The following NPTX2 variants were observed in gnomAD, a reference collection of about 807,000 sequenced individuals.
The protein encoded by NPTX2 is neuronal pentraxin-2.
In NPTX2, 23 loss-of-function variants were observed where a neutral mutation model predicts 38.1. The ratio of observed to expected loss-of-function variants is 0.60; its 90% CI spans 0.43 to 0.85. The LOEUF (loss-of-function observed/expected upper bound fraction) is 0.85. Among genes scored for constraint, NPTX2 ranks in the 40% least tolerant of loss-of-function variants. NPTX2 has a pLI of 0.00. For missense variants in NPTX2, 553 were observed against 615.3 expected, an observed-to-expected ratio of 0.90 and a Z score of 1.07; for synonymous variants, 291 against 287.3, an observed-to-expected ratio of 1.01 and a Z score of -0.13.
At chr7:98,622,399 A>C (rs1791285074) in intron 2 of NPTX2, among the ~76,000 whole-genome samples, 1 of 152,190 alleles carries the variant, frequency 6.6e-6, no homozygotes, top group Non-Finnish European at 1.5e-5. Flanking sequence ...GAGTCGTATC[A>C]GATTGGCAAG....
At position 98,628,510 on chromosome 7, in the gene NPTX2, A is replaced by G. The variant is rs1332965957; in HGVS notation, c.1177A>G (p.Asn393Asp). The change falls in exon 5 of 5, where the codon AAC (asparagine) becomes GAC (aspartate). Residue 393 changes from asparagine to aspartate, a missense_variant. Physicochemically the swap from Asn to Asp is conservative, Grantham distance 23. Coordinates refer to ENST00000265634, the MANE Select transcript of NPTX2 (RefSeq NM_002523.3). Reference protein sequence around the residue: ...LRAQEIVNIANCSTNMPGNII... With the variant: ...LRAQEIVNIADCSTNMPGNII... ...CGCACAAGAAATTGTCAACATCGCCAACTGCTCCACAAACATGCCGGGCAA... is the reference window on the plus strand; with the variant it reads ...CGCACAAGAAATTGTCAACATCGCCGACTGCTCCACAAACATGCCGGGCAA... 1 of 1,611,334 alleles carries G rather than the reference A, an allele frequency of 6.2e-7. No homozygotes were observed. The highest frequency in any genetic ancestry group is 8.5e-7 in the Non-Finnish European group (1 of 1,177,968).
chr7:98,626,171 G>T (rs1252213751), intron 3 of NPTX2, among the ~76,000 whole-genome samples: 1 of 146,288 alleles, frequency 6.8e-6, no homozygotes, highest in East Asian at 2.0e-4. Flanking sequence ...AAAAAAAAAG[G>T]CCACTTTGGG....
chr7:98,625,122 A>C lies in NPTX2; in HGVS notation c.844A>C (p.Ile282Leu). ...VPGQANEIVLIEWGNNPIELL... is the reference protein window; with the variant it reads ...VPGQANEIVLLEWGNNPIELL... ...AGGGCAGGCCAACGAGATCGTGCTG[A>C]TCGAGTGGGGCAACAACCCCATCGA... The change falls in exon 3 of 5, where the codon ATC becomes CTC. Residue 282 changes from isoleucine to leucine, a missense_variant. Coordinates refer to ENST00000265634, the MANE Select transcript of NPTX2 (RefSeq NM_002523.3). The C allele has an allele frequency of 6.2e-7, 1 of 1,608,502 alleles. No individual in the cohort carries two copies. Among genetic ancestry groups the C allele is most frequent in the Non-Finnish European group, 8.5e-7 (1 of 1,176,876 alleles).
intron 1 of NPTX2, among the ~76,000 whole-genome samples, chr7:98,619,351 C>G (rs1791232894): frequency 6.6e-6 from 1 of 152,102 alleles, no homozygotes. Context: ...ACATAGAATT[C>G]TAGGCGTTGG....
intron 3 of NPTX2, among the ~76,000 whole-genome samples, chr7:98,626,865 G>A (rs573400771): frequency 7.2e-5 from 11 of 152,290 alleles, no homozygotes; most frequent in Middle Eastern, 3.4e-3. Context: ...CCCATGGAAC[G>A]CTGACTTCCC....
intron 1 of NPTX2, among the ~76,000 whole-genome samples, chr7:98,618,289 G>A (rs940090130): frequency 6.6e-5 from 10 of 151,896 alleles, no homozygotes; most frequent in African/African-American, 2.4e-4. Flanking sequence ...CCCGCAGGCC[G>A]TGCGGGTTGC....
chr7:98,625,124 C>G lies in NPTX2; in HGVS notation c.846C>G (p.Ile282Met), dbSNP rs867398757. ...VPGQANEIVL[I>M]EWGNNPIELL... is the part of the protein sequence containing the mutation. ...GGCAGGCCAACGAGATCGTGCTGAT[C>G]GAGTGGGGCAACAACCCCATCGAGC... The change falls in exon 3 of 5, where the codon ATC (isoleucine) becomes ATG (methionine). Residue 282 changes from isoleucine to methionine, a missense_variant. Ile to Met is a conservative substitution (Grantham distance 10). Transcript: ENST00000265634. 2 of 1,608,130 alleles carry G rather than the reference C, an allele frequency of 1.2e-6. No homozygotes were observed. Among genetic ancestry groups the G allele is most frequent in the African/African-American group, 1.3e-5 (1 of 74,972 alleles).
In NPTX2 at chr7:98,627,358, AGGTGCAGGTGGGCACAGGGTG is replaced by A. The variant is rs1264389813; in HGVS notation, c.1068+23_1068+43del. The stretch of plus-strand genomic sequence containing the variant: ...GGACAAGAGCAGGTGGGTGCAGGGC[AGGTGCAGGTGGGCACAGGGTG>A]GGTGCAGGATGGGCACAGGGTGGCC... On this transcript the variant is annotated intron_variant, in intron 4 of 4. Coordinates refer to ENST00000265634, the MANE Select transcript of NPTX2 (RefSeq NM_002523.3). 2.5e-6 allele frequency: 4 copies of A among 1,610,400 alleles called. No individual in the cohort carries two copies. Among genetic ancestry groups the A allele is most frequent in the Admixed American group, 1.7e-5 (1 of 59,894 alleles).
chr7:98,627,362 G>A lies in NPTX2; in HGVS notation c.1068+18G>A, dbSNP rs1159907721. 5.0e-6 allele frequency: 8 copies of A among 1,609,718 alleles called. No homozygotes were observed. Among genetic ancestry groups the A allele is most frequent in the African/African-American group, 2.7e-5 (2 of 74,896 alleles). ...AAGAGCAGGTGGGTGCAGGGCAGGT[G>A]CAGGTGGGCACAGGGTGGGTGCAGG... On this transcript the variant is annotated intron_variant, in intron 4 of 4. Transcript: ENST00000265634.
At chr7:98,627,466 A>G (rs1791371711) in intron 4 of NPTX2, 122 bp downstream of exon 4, 1 of 771,462 alleles carries the variant, frequency 1.3e-6, no homozygotes, top group Non-Finnish European at 2.1e-6. Context: ...CCAGGCCTGC[A>G]GCTGTTCCTG....
chr7:98,627,398 G>T (rs1316311051), intron 4 of NPTX2, 54 bp downstream of exon 4: 2 of 1,491,994 alleles, frequency 1.3e-6, no homozygotes, highest in Non-Finnish European at 1.9e-6. Context: ...ATGGGCACAG[G>T]GTGGCCGTGC....
intron 1 of NPTX2, 83 bp from the exon 2 acceptor site, chr7:98,619,560 G>A: frequency 8.5e-7 from 1 of 1,175,002 alleles, no homozygotes; most frequent in Non-Finnish European, 1.3e-6. Flanking sequence ...GCTTCTCCCT[G>A]TGTGGTCGGG....
In NPTX2 at chr7:98,624,919, C is replaced by T; in HGVS notation, c.644-3C>T. The T allele has an allele frequency of 6.2e-7, 1 of 1,606,412 alleles. No homozygotes were observed. Among genetic ancestry groups the T allele is most frequent in the Non-Finnish European group, 8.5e-7 (1 of 1,174,096 alleles). On this transcript the variant is annotated splice_polypyrimidine_tract_variant and splice_region_variant and intron_variant, in intron 2 of 4. Coordinates refer to ENST00000265634, the MANE Select transcript of NPTX2 (RefSeq NM_002523.3). The stretch of plus-strand genomic sequence containing the variant: ...CCTGGCCTCTCTTCCTCCCAACCCC[C>T]AGGCAATAGCGCCTTTAAGTCACCA...
At chr7:98,627,579 T>C (rs1791374078) in intron 4 of NPTX2, among the ~76,000 whole-genome samples, 1 of 151,984 alleles carries the variant, frequency 6.6e-6, no homozygotes. Flanking sequence ...TGTCCTGTGG[T>C]TAGAGGTTGG....
chr7:98,622,823 G>T (rs762317251), intron 2 of NPTX2, among the ~76,000 whole-genome samples: 32 of 152,304 alleles, frequency 2.1e-4, no homozygotes, highest in Admixed American at 3.9e-4. Flanking sequence ...GGAGCAATCG[G>T]GAGGCCACCA....
In NPTX2 at chr7:98,619,763, G is replaced by A. The variant is rs770430126; in HGVS notation, c.547G>A (p.Glu183Lys). The A allele has an allele frequency of 4.7e-5, 76 of 1,613,488 alleles. No homozygotes were observed. Among genetic ancestry groups the A allele is most frequent in the Middle Eastern group, 3.3e-4 (2 of 6,080 alleles). The change falls in exon 2 of 5, where the codon GAG becomes AAG. Residue 183 changes from glutamate (E) to lysine (K), a missense_variant. Physicochemically the swap from Glu to Lys is moderately conservative, Grantham distance 56. Coordinates refer to ENST00000265634, the MANE Select transcript of NPTX2 (RefSeq NM_002523.3). ...LLRKVAELED[E>K]KSLLHNETSA... The stretch of plus-strand genomic sequence containing the variant: ...GCGCAAGGTGGCAGAGCTGGAGGAC[G>A]AGAAGTCCCTGCTGCACAATGAGAC...
chr7:98,628,857 C>G lies in NPTX2; in HGVS notation c.*228C>G. On this transcript the variant is annotated 3_prime_UTR_variant, in exon 5 of 5. Coordinates refer to ENST00000265634, the MANE Select transcript of NPTX2 (RefSeq NM_002523.3). ...AGTGCCAGGGTCCCCTGGGAAGATG[C>G]CCCCAAGACACCTGCCCCAAGTGGG... 2.4e-6 allele frequency: 1 copy of G among 410,156 alleles called. No homozygotes were observed. The highest frequency in any genetic ancestry group is 4.0e-5 in the Admixed American group (1 of 25,086). The allele number at this position is 410,156 out of a possible 1,614,324, so 25.4% of individuals were successfully genotyped here.
At chr7:98,619,979 AGT>A in intron 2 of NPTX2, 120 bp downstream of exon 2, 4 of 848,762 alleles carry the variant, frequency 4.7e-6, no homozygotes, top group African/African-American at 1.7e-5. Context: ...CTGGTTCCCG[AGT>A]GTGTGAGCAA....
intron 3 of NPTX2, 67 bp downstream of exon 3, chr7:98,625,233 A>G (rs1405292565): frequency 1.1e-5 from 16 of 1,518,328 alleles, no homozygotes; most frequent in Non-Finnish European, 1.3e-5. Flanking sequence ...CACAGCCCCC[A>G]CCCCAGCCGT....
Sources: gnomAD v4.1 joint callset for allele counts (sites outside exome capture counted in the v4.1 genomes callset) on GRCh38, gnomAD v4.1.1 for gene constraint, MANE v1.5 for transcripts, NCBI Gene and HGNC (gene_info 2026-07-23, HGNC 2026-07-21) for gene names.